Variants in SLC36A1 observed in about 807,000 individuals in gnomAD.
The protein encoded by SLC36A1 is proton-coupled amino acid transporter 1.
SLC36A1 carries 30 observed loss-of-function variants against 47.5 expected under a neutral mutation model. The ratio of observed to expected loss-of-function variants is 0.63; its 90% CI spans 0.47 to 0.86. SLC36A1 has a LOEUF of 0.86. Among genes scored for constraint, SLC36A1 ranks in the 40% least tolerant of loss-of-function variants. The pLI is 0.00. For missense variants in SLC36A1, 517 were observed against 606.0 expected, an observed-to-expected ratio of 0.85 and a Z score of 1.54; for synonymous variants, 255 against 249.7, an observed-to-expected ratio of 1.02 and a Z score of -0.20.
chr5:151,537,821 C>T, the SLC36A1 span: 51 of 1,608,510 alleles, frequency 3.2e-5, no homozygotes, highest in East Asian at 1.6e-4. Context: ...TGAATTCATG[C>T]GCCCCAGGGC....
chr5:151,546,336 C>G, the SLC36A1 span: 2 of 1,608,498 alleles, frequency 1.2e-6, no homozygotes, highest in Non-Finnish European at 1.7e-6. Context: ...CTTCGCTGTT[C>G]CCTGAAACAG....
At chr5:151,359,940 G>A in the SLC36A1 span, among the ~76,000 whole-genome samples, 1 of 152,128 alleles carries the variant, frequency 6.6e-6, no homozygotes, top group East Asian at 1.9e-4. Context: ...TGGATCTCTG[G>A]ACGGTTTTTA....
chr5:151,353,875 G>GT, the SLC36A1 span, among the ~76,000 whole-genome samples: 2 of 152,146 alleles, frequency 1.3e-5, no homozygotes, highest in East Asian at 1.9e-4. Flanking sequence ...TTTTCTCCAT[G>GT]TTTTTTTATG....
At chr5:151,373,293 A>G in the SLC36A1 span, among the ~76,000 whole-genome samples, 2 of 151,998 alleles carry the variant, frequency 1.3e-5, no homozygotes, top group Non-Finnish European at 2.9e-5. Flanking sequence ...AAAAATACCA[A>G]AATAAAGAGG....
chr5:151,381,733 A>G, the SLC36A1 span, among the ~76,000 whole-genome samples: 2 of 152,086 alleles, frequency 1.3e-5, no homozygotes, highest in African/African-American at 4.8e-5. Context: ...GTGCAAGAAG[A>G]CAGCTTTGAC....
At chr5:151,419,605 G>C in the SLC36A1 span, among the ~76,000 whole-genome samples, 1 of 152,142 alleles carries the variant, frequency 6.6e-6, no homozygotes, top group East Asian at 1.9e-4. Context: ...AGAATCATCT[G>C]GATGTCTTGT....
the SLC36A1 span, among the ~76,000 whole-genome samples, chr5:151,388,862 C>T: frequency 8.5e-5 from 13 of 152,194 alleles, no homozygotes; most frequent in Middle Eastern, 0.01. Flanking sequence ...CTATAAAATG[C>T]AGATATACTC....
At chr5:151,512,467 A>G in the SLC36A1 span, 1 of 1,614,206 alleles carries the variant, frequency 6.2e-7, no homozygotes, top group African/African-American at 1.3e-5. This position sits in a 1 kb window ranked among gnomAD's most constrained non-coding sequence, Gnocchi z 4.1. Context: ...CATGCTGTCA[A>G]CCATCAGGCG....
chr5:151,532,808 A>C, the SLC36A1 span, among the ~76,000 whole-genome samples: 1 of 152,206 alleles, frequency 6.6e-6, no homozygotes, highest in African/African-American at 2.4e-5. Context: ...AGTGAGATGA[A>C]CACACGCCCT....
the SLC36A1 span, chr5:151,543,107 G>C: frequency 9.9e-6 from 16 of 1,614,052 alleles, no homozygotes; most frequent in Non-Finnish European, 1.4e-5. Context: ...ACTGGCACCA[G>C]AGAGTTCCAG....
At chr5:151,512,283 G>C in the SLC36A1 span, 2 of 1,614,224 alleles carry the variant, frequency 1.2e-6, no homozygotes, top group Non-Finnish European at 1.7e-6. This position sits in a 1 kb window ranked among gnomAD's most constrained non-coding sequence, Gnocchi z 4.1. Flanking sequence ...CCACCGTCTT[G>C]CCAGGGGCCA....
intron 1 of SLC36A1, among the ~76,000 whole-genome samples, chr5:151,448,106 C>A (rs1753094524): frequency 6.6e-6 from 1 of 152,174 alleles, no homozygotes; most frequent in African/African-American, 2.4e-5. Context: ...GCTGCGGGAG[C>A]GCTGCTTGAG....
chr5:151,549,653 A>C, the SLC36A1 span: 1 of 643,378 alleles, frequency 1.6e-6, no homozygotes, highest in Non-Finnish European at 2.7e-6. Flanking sequence ...GTTCTAATCT[A>C]TATGCTCTTT....
chr5:151,469,291 C>T lies in SLC36A1; in HGVS notation c.723+1366C>T, dbSNP rs538639964. 8 of 691,508 alleles carry T rather than the reference C, an allele frequency of 1.2e-5. No individual in the cohort carries two copies. In the African/African-American group the frequency reaches 1.4e-4, roughly 12 times the overall value. The allele number at this position is 691,508 out of a possible 1,614,324, so 42.8% of individuals were successfully genotyped here. ...GCCCATGTAAGTATATTGAGAAATACATTGAAATATATTTTGTTTTCATTT... is the reference window on the plus strand; with the variant it reads ...GCCCATGTAAGTATATTGAGAAATATATTGAAATATATTTTGTTTTCATTT... On this transcript the variant is annotated intron_variant, in intron 7 of 10. Coordinates refer to ENST00000243389, the MANE Select transcript of SLC36A1 (RefSeq NM_078483.4).
the SLC36A1 span, among the ~76,000 whole-genome samples, chr5:151,418,953 A>G: frequency 1.3e-5 from 2 of 152,080 alleles, no homozygotes; most frequent in African/African-American, 4.8e-5. Context: ...AATGGGGGCC[A>G]TTTCCCCCAT....
At chr5:151,462,661 CCTGA>C (rs1472038960) in intron 2 of SLC36A1, among the ~76,000 whole-genome samples, 10 of 151,502 alleles carry the variant, frequency 6.6e-5, no homozygotes, top group African/African-American at 2.4e-4. Context: ...CTGCACCTGG[CCTGA>C]CTTTTTTTTT....
At chr5:151,534,865 T>A in the SLC36A1 span, among the ~76,000 whole-genome samples, 1 of 151,352 alleles carries the variant, frequency 6.6e-6, no homozygotes, top group Non-Finnish European at 1.5e-5. Flanking sequence ...TTTAAGATCA[T>A]CATCAACAAG....
intron 10 of SLC36A1, among the ~76,000 whole-genome samples, chr5:151,484,915 A>G (rs2127543394): frequency 6.6e-6 from 1 of 152,146 alleles, no homozygotes; most frequent in South Asian, 2.1e-4. Context: ...ACCTCAGTGC[A>G]GCTTCCACCC....
chr5:151,487,294 G>A (rs1360796281), intron 10 of SLC36A1, among the ~76,000 whole-genome samples: 3 of 152,214 alleles, frequency 2.0e-5, no homozygotes, highest in Non-Finnish European at 2.9e-5. Flanking sequence ...CACGGAAGCC[G>A]ATGGCACCTC....
Sources: allele counts gnomAD v4.1 joint callset (sites outside exome capture counted in the v4.1 genomes callset), GRCh38; gene constraint gnomAD v4.1.1; non-coding constraint Gnocchi (gnomAD v3.1); transcripts MANE v1.5; gene names NCBI Gene and HGNC (gene_info 2026-07-23, HGNC 2026-07-21).